The following SLC35F3 variants were observed in gnomAD, a reference collection of about 807,000 sequenced individuals.
SLC35F3 encodes the protein putative thiamine transporter SLC35F3.
Under a neutral mutation model 49.9 loss-of-function variants are expected in SLC35F3, and 25 were observed. The ratio of observed to expected loss-of-function variants is 0.50; its 90% CI spans 0.37 to 0.70. The LOEUF is 0.70. Ranked by LOEUF, SLC35F3 falls within the 30% of genes least tolerant of loss-of-function variation. SLC35F3 has a pLI of 0.00. For missense variants in SLC35F3, 525 were observed against 639.8 expected, an observed-to-expected ratio of 0.82 and a Z score of 1.94; for synonymous variants, 275 against 265.4, an observed-to-expected ratio of 1.04 and a Z score of -0.35.
At chr1:234,216,587 G>A (rs192433866) in intron 2 of SLC35F3, among the ~76,000 whole-genome samples, 169 of 152,350 alleles carry the variant, frequency 1.1e-3, no homozygotes, top group Non-Finnish European at 1.7e-3. Context: ...GCTAACGCCA[G>A]CAGCTGCCTC....
At chr1:234,033,112 T>C (rs1277663553) in intron 2 of SLC35F3, among the ~76,000 whole-genome samples, 2 of 152,174 alleles carry the variant, frequency 1.3e-5, no homozygotes, top group Non-Finnish European at 1.5e-5. Flanking sequence ...TAATTAGTGA[T>C]GTTGAGCATT....
chr1:234,136,485 A>G (rs749299148), intron 2 of SLC35F3, among the ~76,000 whole-genome samples: 1 of 151,982 alleles, frequency 6.6e-6, no homozygotes, highest in Admixed American at 6.6e-5. Flanking sequence ...AGCTGGGATT[A>G]CAAGCATGTA....
Position 234,118,485 on chromosome 1 carries a change from A to G in SLC35F3, c.284-112932A>G, listed in dbSNP as rs370660573. The stretch of plus-strand genomic sequence containing the variant: ...CCTGTTTGCATATCGCTGGCGGGCT[A>G]TGAATGGGTTTTACAGTTTTAGAGG... On this transcript the variant is annotated intron_variant, in intron 2 of 7. Transcript: ENST00000366618. 3.3e-5 allele frequency among the ~76,000 whole-genome samples: 5 copies of G among 152,306 alleles called. No individual in the cohort carries two copies. The South Asian group carries it at 6.2e-4, about 19-fold the overall frequency.
chr1:234,120,151 C>A (rs974635494), intron 2 of SLC35F3, among the ~76,000 whole-genome samples: 7 of 152,198 alleles, frequency 4.6e-5, no homozygotes, highest in African/African-American at 1.7e-4. Context: ...CATTAGGTGA[C>A]CTCTCTGTGT....
intron 6 of SLC35F3, 83 bp downstream of exon 6, chr1:234,319,026 A>G (rs1657555491): frequency 1.9e-5 from 22 of 1,137,170 alleles, no homozygotes; most frequent in Non-Finnish European, 2.8e-5. Context: ...CTGAAGGCAG[A>G]AAACAGTGCT....
chr1:234,221,575 T>C (rs1031933480), intron 2 of SLC35F3, among the ~76,000 whole-genome samples: 20 of 152,246 alleles, frequency 1.3e-4, no homozygotes, highest in Admixed American at 4.6e-4. Context: ...GGATGGGGAC[T>C]GAAGACTTGA....
intron 2 of SLC35F3, among the ~76,000 whole-genome samples, chr1:234,069,262 ATT>A (rs35052058): frequency 6.5e-4 from 84 of 128,344 alleles, no homozygotes; most frequent in Middle Eastern, 4.0e-3. Context: ...TATAAAATAC[ATT>A]TTTTTTTTTT....
chr1:234,069,532 G>C (rs764744628), intron 2 of SLC35F3, among the ~76,000 whole-genome samples: 1 of 152,008 alleles, frequency 6.6e-6, no homozygotes, highest in Non-Finnish European at 1.5e-5. Context: ...TGGGATTACC[G>C]GCATGAGCCA....
In SLC35F3 at chr1:234,214,526, C is replaced by T; in HGVS notation, c.284-16891C>T. 6.4e-7 allele frequency: 1 copy of T among 1,555,314 alleles called. No individual in the cohort carries two copies. The highest frequency in any genetic ancestry group is 8.7e-7 in the Non-Finnish European group (1 of 1,153,088). On this transcript the variant is annotated intron_variant, in intron 2 of 7. Coordinates refer to ENST00000366618, the MANE Select transcript of SLC35F3 (RefSeq NM_173508.4). This position sits in a 1 kb window ranked among gnomAD's most constrained non-coding sequence, Gnocchi z 8.0. Reference sequence around the variant, plus strand: ...GAAGAAGCACTCGGCCCGGGTGGCCCCGCTCAGCGCCTGCAACAGTCCGGT... The same window carrying T: ...GAAGAAGCACTCGGCCCGGGTGGCCTCGCTCAGCGCCTGCAACAGTCCGGT...
intron 3 of SLC35F3, among the ~76,000 whole-genome samples, chr1:234,240,967 G>A (rs966921109): frequency 2.6e-5 from 4 of 152,194 alleles, no homozygotes; most frequent in African/African-American, 7.2e-5. Context: ...AAAGCCAGAT[G>A]GAAATGTGAG....
intron 2 of SLC35F3, among the ~76,000 whole-genome samples, chr1:233,913,907 AG>A (rs1661926390): frequency 6.6e-6 from 1 of 152,194 alleles, no homozygotes; most frequent in Non-Finnish European, 1.5e-5. Context: ...AAAAATGAAC[AG>A]GGCCCAGGGA....
At chr1:234,150,132 C>A (rs1666055584) in intron 2 of SLC35F3, among the ~76,000 whole-genome samples, 1 of 152,136 alleles carries the variant, frequency 6.6e-6, no homozygotes, top group African/African-American at 2.4e-5. Context: ...ATGAAAACTT[C>A]TAGGAAACTA....
At chr1:234,319,298 ATAG>A (rs1657560891) in intron 6 of SLC35F3, among the ~76,000 whole-genome samples, 1 of 151,410 alleles carries the variant, frequency 6.6e-6, no homozygotes, top group Non-Finnish European at 1.5e-5. Context: ...AATAAATACT[ATAG>A]ATTATCATTA....
chr1:234,036,919 A>C (rs957336356), intron 2 of SLC35F3, among the ~76,000 whole-genome samples: 5 of 152,206 alleles, frequency 3.3e-5, no homozygotes, highest in Admixed American at 6.5e-5. Context: ...ATAAGTAAGT[A>C]GTTTTCCAAT....
intron 3 of SLC35F3, among the ~76,000 whole-genome samples, chr1:234,249,590 G>A (rs1667704206): frequency 6.6e-6 from 1 of 152,176 alleles, no homozygotes; most frequent in African/African-American, 2.4e-5. Flanking sequence ...GGTCCTATGG[G>A]AAAGTGAGAT....
In SLC35F3 at chr1:234,186,792, A is replaced by AG. The variant is rs550215801; in HGVS notation, c.284-44622dup. On this transcript the variant is annotated intron_variant, in intron 2 of 7. Coordinates refer to ENST00000366618, the MANE Select transcript of SLC35F3 (RefSeq NM_173508.4). ...TCCTTTAAACCTCACAGCAACCTGCAGGGTAGGTATTATTGACATATTGAT... is the reference window on the plus strand; with the variant it reads ...TCCTTTAAACCTCACAGCAACCTGCAGGGGTAGGTATTATTGACATATTGAT... Among the ~76,000 whole-genome samples, 11 of 152,326 alleles carry AG rather than the reference A, an allele frequency of 7.2e-5. No homozygotes were observed. The South Asian group carries it at 2.1e-3, about 29-fold the overall frequency.
At chr1:233,991,592 A>G (rs539998479) in intron 2 of SLC35F3, among the ~76,000 whole-genome samples, 2 of 152,252 alleles carry the variant, frequency 1.3e-5, no homozygotes, top group East Asian at 3.9e-4. Flanking sequence ...TTGCCAGCTC[A>G]TTGGGCCCCT....
chr1:234,045,710 G>A (rs1405853224), intron 2 of SLC35F3, among the ~76,000 whole-genome samples: 1 of 150,218 alleles, frequency 6.7e-6, no homozygotes, highest in African/African-American at 2.5e-5. Flanking sequence ...TTCATTTTAA[G>A]GTTTTTTTTT....
intron 2 of SLC35F3, among the ~76,000 whole-genome samples, chr1:234,118,730 A>G (rs1665529738): frequency 6.6e-6 from 1 of 152,230 alleles, no homozygotes; most frequent in East Asian, 1.9e-4. Flanking sequence ...ACTGAGGCTC[A>G]GGGAGGTGAA....
Sources: allele counts gnomAD v4.1 joint callset (sites outside exome capture counted in the v4.1 genomes callset), GRCh38; gene constraint gnomAD v4.1.1; non-coding constraint Gnocchi (gnomAD v3.1); transcripts MANE v1.5; gene names NCBI Gene and HGNC (gene_info 2026-07-23, HGNC 2026-07-21).